Variants in ADGRV1 observed in about 807,000 individuals in gnomAD.
ADGRV1 encodes adhesion G protein-coupled receptor V1, also known as G-protein coupled receptor 98.
Under a neutral mutation model 596.2 loss-of-function variants are expected in ADGRV1, and 359 were observed. The observed-to-expected ratio is 0.60, with a 90% CI of 0.55 to 0.66. ADGRV1 has a LOEUF of 0.66. Ranked by LOEUF, ADGRV1 falls within the 30% of genes least tolerant of loss-of-function variation. ADGRV1 has a pLI of 0.00. For synonymous variants in ADGRV1, 2,681 were observed against 2,679.2 expected, an observed-to-expected ratio of 1.00 and a Z score of -0.02; for missense variants, 7,274 against 7,575.6, an observed-to-expected ratio of 0.96 and a Z score of 1.48.
intron 75 of ADGRV1, among the ~76,000 whole-genome samples, chr5:90,817,731 C>T (rs372605492): frequency 4.6e-5 from 7 of 151,928 alleles, no homozygotes; most frequent in Non-Finnish European, 7.4e-5. Flanking sequence ...TGTAGATATG[C>T]GGCGTTACTT....
intron 71 of ADGRV1, 107 bp from the exon 72 acceptor site, chr5:90,805,177 A>G: frequency 1.4e-6 from 1 of 710,594 alleles, no homozygotes; most frequent in South Asian, 4.4e-5. Flanking sequence ...GTATGAGACA[A>G]GGATATATAT....
chr5:90,641,545 A>T (rs558774293), intron 11 of ADGRV1, among the ~76,000 whole-genome samples: 1 of 152,350 alleles, frequency 6.6e-6, no homozygotes, highest in South Asian at 2.1e-4. Flanking sequence ...TATGAAAATT[A>T]TGACTGTTTT....
intron 6 of ADGRV1, 87 bp downstream of exon 6, chr5:90,625,330 C>T (rs1045430267): frequency 3.6e-5 from 26 of 723,538 alleles, no homozygotes; most frequent in Non-Finnish European, 5.8e-5. Flanking sequence ...TGTGGCCAGT[C>T]GCACCTCAGC....
At chr5:91,148,371 G>A (rs1032405853) in intron 87 of ADGRV1, among the ~76,000 whole-genome samples, 9 of 152,118 alleles carry the variant, frequency 5.9e-5, no homozygotes, top group African/African-American at 9.7e-5. Context: ...CCAGGGCCCC[G>A]CTGCTGTGTG....
intron 83 of ADGRV1, among the ~76,000 whole-genome samples, chr5:90,885,449 A>G (rs933955749): frequency 6.6e-6 from 1 of 152,198 alleles, no homozygotes; most frequent in Admixed American, 6.5e-5. Context: ...ATATGGAAAT[A>G]TTCCAACTTT....
intron 64 of ADGRV1, 45 bp from the exon 65 acceptor site, chr5:90,781,385 T>C (rs1287421570): frequency 7.2e-7 from 1 of 1,393,358 alleles, no homozygotes; most frequent in Admixed American, 1.9e-5. Context: ...GTATTTTTTG[T>C]TGTTGTTGTA....
At chr5:90,561,579 T>C (rs948362698) in intron 1 of ADGRV1, among the ~76,000 whole-genome samples, 1 of 152,216 alleles carries the variant, frequency 6.6e-6, no homozygotes, top group Non-Finnish European at 1.5e-5. Context: ...GATTGTATTA[T>C]ATATTTCTCT....
chr5:90,984,906 C>T (rs1581710331), intron 84 of ADGRV1, among the ~76,000 whole-genome samples: 1 of 152,104 alleles, frequency 6.6e-6, no homozygotes, highest in Admixed American at 6.5e-5. Flanking sequence ...TCTGGCCCTG[C>T]CATATGATAG....
intron 83 of ADGRV1, among the ~76,000 whole-genome samples, chr5:90,872,423 TTGTGTGTGTGTGTGTGTGTGTGTGTG>T (rs55743704): frequency 6.8e-6 from 1 of 147,338 alleles, no homozygotes; most frequent in Admixed American, 6.8e-5. Context: ...TGGTATGAGC[TTGTGTGTGTGTGTGTGTGTGTGTGTG>T]TGTGTGTGTG....
At chr5:90,765,361 T>C (rs1415379184) in intron 59 of ADGRV1, among the ~76,000 whole-genome samples, 1 of 151,924 alleles carries the variant, frequency 6.6e-6, no homozygotes, top group Non-Finnish European at 1.5e-5. Context: ...TAAATTCATG[T>C]GATAATATTT....
intron 70 of ADGRV1, among the ~76,000 whole-genome samples, chr5:90,796,821 C>A (rs1322050310): frequency 1.3e-5 from 2 of 152,110 alleles, no homozygotes; most frequent in Non-Finnish European, 2.9e-5. Flanking sequence ...CAATATTCAA[C>A]ATTCTTAAAG....
At chr5:90,685,311 G>A (rs940150458) in intron 28 of ADGRV1, among the ~76,000 whole-genome samples, 1 of 152,128 alleles carries the variant, frequency 6.6e-6, no homozygotes, top group South Asian at 2.1e-4. Flanking sequence ...GGCTGGGCGC[G>A]GTGGCTTATG....
chr5:91,027,340 A>G (rs1424861581), intron 85 of ADGRV1, among the ~76,000 whole-genome samples: 1 of 152,160 alleles, frequency 6.6e-6, no homozygotes, highest in East Asian at 1.9e-4. Context: ...AAACTTGTAG[A>G]TTAAATCCCT....
chr5:90,691,267 G>T (rs1746432436), intron 31 of ADGRV1: 4 of 557,176 alleles, frequency 7.2e-6, no homozygotes, highest in Non-Finnish European at 1.3e-5. Flanking sequence ...AGACTTTTTT[G>T]TACAATTAAC....
rs767081312 is a variant in ADGRV1 at position 90,774,197 on chromosome 5, G to C, written c.12297G>C (p.Gln4099His). The change falls in exon 60 of 90, where the codon CAG becomes CAC. Residue 4099 changes from glutamine (Q) to histidine (H), a missense_variant. Gln to His is a conservative substitution (Grantham distance 24, BLOSUM62 0). This residue lies in a region of ADGRV1 where 3,643 missense variants were observed against 3,809.2 expected (regional missense o/e 0.96). Transcript: ENST00000405460. The stretch of plus-strand genomic sequence containing the variant: ...GTCATTGGATGTAGACTGAGTCCCA[G>C]AAGACCATTGTGTTGCACACACTTC... ...GTLHFDETESQKTIVLHTLQD... is the reference protein window; with the variant it reads ...GTLHFDETESHKTIVLHTLQD... 16 of 1,601,382 alleles carry C rather than the reference G, an allele frequency of 1.0e-5. No homozygotes were observed. In the East Asian group the frequency reaches 3.4e-4, roughly 34 times the overall value.
At chr5:91,055,377 A>G (rs1299946079) in intron 85 of ADGRV1, among the ~76,000 whole-genome samples, 1 of 126,370 alleles carries the variant, frequency 7.9e-6, no homozygotes, top group Non-Finnish European at 1.8e-5. Flanking sequence ...AAGAAATTAA[A>G]CCAATTTGCA....
At chr5:91,007,760 G>A (rs757665615) in intron 85 of ADGRV1, among the ~76,000 whole-genome samples, 8 of 152,108 alleles carry the variant, frequency 5.3e-5, no homozygotes, top group Non-Finnish European at 1.0e-4. Flanking sequence ...CTCCATCTTA[G>A]CAGTGGGCCT....
chr5:91,063,589 C>A (rs1787636940), intron 85 of ADGRV1, among the ~76,000 whole-genome samples: 1 of 152,012 alleles, frequency 6.6e-6, no homozygotes, highest in South Asian at 2.1e-4. Flanking sequence ...CAGATTTTTC[C>A]AAAATAGAAG....
chr5:90,946,268 GA>G (rs1776568703), intron 83 of ADGRV1, among the ~76,000 whole-genome samples: 1 of 152,066 alleles, frequency 6.6e-6, no homozygotes, highest in Non-Finnish European at 1.5e-5. Flanking sequence ...TGAGGTGACA[GA>G]GTAGATAGGG....
Sources: gnomAD v4.1 joint callset for allele counts (sites outside exome capture counted in the v4.1 genomes callset) on GRCh38, gnomAD v4.1.1 for gene constraint, gnomAD v4.1.1 regional missense constraint, MANE v1.5 for transcripts, NCBI Gene and HGNC (gene_info 2026-07-23, HGNC 2026-07-21) for gene names.